Variants in PTPN13 observed in about 807,000 individuals in gnomAD.
PTPN13 encodes tyrosine-protein phosphatase non-receptor type 13.
A neutral mutation model predicts 284.0 loss-of-function variants in PTPN13; 191 were observed. The ratio of observed to expected loss-of-function variants is 0.67; its 90% CI spans 0.60 to 0.76. The LOEUF (loss-of-function observed/expected upper bound fraction) is 0.76. PTPN13 is among the 30% of genes least tolerant of loss of function. PTPN13 has a pLI of 0.00. For missense variants in PTPN13, 2,797 were observed against 2,939.9 expected, an observed-to-expected ratio of 0.95 and a Z score of 1.12; for synonymous variants, 986 against 1,022.3, an observed-to-expected ratio of 0.96 and a Z score of 0.68.
chr4:86,663,026 T>G (rs1398421540), intron 2 of PTPN13, among the ~76,000 whole-genome samples: 1 of 152,114 alleles, frequency 6.6e-6, no homozygotes, highest in Non-Finnish European at 1.5e-5. Context: ...TAAAAATAAA[T>G]GAGTAAATAT....
intron 1 of PTPN13, among the ~76,000 whole-genome samples, chr4:86,600,830 A>G (rs1229055104): frequency 6.6e-6 from 1 of 152,104 alleles, no homozygotes; most frequent in Non-Finnish European, 1.5e-5. Flanking sequence ...GTCTTAGTGT[A>G]GTTAAATATT....
At chr4:86,629,186 G>T (rs570152201) in intron 1 of PTPN13, among the ~76,000 whole-genome samples, 3 of 147,304 alleles carry the variant, frequency 2.0e-5, no homozygotes, top group Non-Finnish European at 4.5e-5. Flanking sequence ...GAAAATTTTC[G>T]CAACCTACTC....
chr4:86,682,030 A>G (rs1728950123), intron 3 of PTPN13, among the ~76,000 whole-genome samples: 1 of 152,238 alleles, frequency 6.6e-6, no homozygotes, highest in Non-Finnish European at 1.5e-5. Flanking sequence ...CTAGCTATTT[A>G]TATTCTAATA....
In PTPN13 at chr4:86,769,829, G is replaced by C. The variant is rs535867974; in HGVS notation, c.4550G>C (p.Arg1517Pro). The change falls in exon 29 of 48, where the codon CGA becomes CCA. Residue 1517 changes from arginine (R) to proline (P), a missense_variant. Physicochemically the swap from Arg to Pro is moderately radical, Grantham distance 103. Coordinates refer to ENST00000411767, the MANE Select transcript of PTPN13 (RefSeq NM_080683.3). ...NSSGLGFSFS[R>P]EDNLIPEQIN... The stretch of plus-strand genomic sequence containing the variant: ...TCAGGTCTAGGATTCAGTTTTTCTC[G>C]AGAAGATAATCTTATACCGGAGCAA... 6.8e-6 allele frequency: 11 copies of C among 1,613,430 alleles called. No homozygotes were observed. Among genetic ancestry groups the C allele is most frequent in the Non-Finnish European group, 9.3e-6 (11 of 1,179,582 alleles).
Position 86,807,717 on chromosome 4 carries a change from A to C in PTPN13, c.6903A>C (p.Lys2301Asn), listed in dbSNP as rs1305343529. 1 of 1,614,036 alleles carries C rather than the reference A, an allele frequency of 6.2e-7. No homozygotes were observed. The highest frequency in any genetic ancestry group is 8.5e-7 in the Non-Finnish European group (1 of 1,179,896). ...GDFWQMIWEQ[K>N]STVIAMMTQE... ...TCTGGCAGATGATTTGGGAGCAAAA[A>C]TCCACAGTGATAGCCATGATGACTC... Residue 2301 changes from lysine to asparagine, a missense_variant, in exon 45 of 48, where the codon AAA becomes AAC. Lys to Asn is a moderately conservative substitution (Grantham distance 94, BLOSUM62 0). Transcript: ENST00000411767.
intron 42 of PTPN13, 123 bp from the exon 43 acceptor site, chr4:86,803,586 C>G: frequency 9.4e-7 from 1 of 1,061,746 alleles, no homozygotes. Context: ...GAACAAGATT[C>G]TATCTCTAAA....
At position 86,717,127 on chromosome 4, in the gene PTPN13, G is replaced by C; in HGVS notation, c.1385+10G>C. The C allele has an allele frequency of 6.4e-7, 1 of 1,572,840 alleles. No individual in the cohort carries two copies. The highest frequency in any genetic ancestry group is 8.7e-7 in the Non-Finnish European group (1 of 1,146,794). On this transcript the variant is annotated intron_variant, in intron 9 of 47. Coordinates refer to ENST00000411767, the MANE Select transcript of PTPN13 (RefSeq NM_080683.3). ...AGTCACAGAGACCGAGGTATGTCATGAAAAAGTAGTGATGATACATTTCCA... is the reference window on the plus strand; with the variant it reads ...AGTCACAGAGACCGAGGTATGTCATCAAAAAGTAGTGATGATACATTTCCA...
chr4:86,750,544 A>G lies in PTPN13; in HGVS notation c.2725A>G (p.Thr909Ala). The G allele has an allele frequency of 3.1e-6, 5 of 1,613,962 alleles. No homozygotes were observed. Among genetic ancestry groups the G allele is most frequent in the South Asian group, 1.1e-5 (1 of 91,086 alleles). The change falls in exon 18 of 48, where the codon ACT becomes GCT. Residue 909 changes from threonine to alanine, a missense_variant. Transcript: ENST00000411767. ...RGFNMGRAIS[T>A]GSLASSTLNK... ...ATTTAATATGGGACGAGCAATCAGC[A>G]CTGGCAGTCTGGCCAGCAGCACCCT... is the stretch of plus-strand genomic sequence containing the variant.
At chr4:86,739,913 G>A (rs1263377977) in intron 15 of PTPN13, among the ~76,000 whole-genome samples, 1 of 152,132 alleles carries the variant, frequency 6.6e-6, no homozygotes, top group East Asian at 1.9e-4. Context: ...AATCCAGCAG[G>A]GCAGGCAAAC....
At chr4:86,764,545 T>C in intron 24 of PTPN13, 48 bp from the exon 25 acceptor site, 1 of 1,309,982 alleles carries the variant, frequency 7.6e-7, no homozygotes. Flanking sequence ...AAAATTATAA[T>C]TCATTTTGAC....
In PTPN13 at chr4:86,758,739, A is replaced by G; in HGVS notation, c.3375A>G (p.Ser1125=). ...TGGACCTAGGCATATTTATCAGTTC[A>G]GTTGCCCCTGGAGGACCAGCTGACT... ...GRLDLGIFIS[S]VAPGGPADLD... The change falls in exon 22 of 48, where the codon TCA becomes TCG. Residue 1125 remains serine, a synonymous_variant. Coordinates refer to ENST00000411767, the MANE Select transcript of PTPN13 (RefSeq NM_080683.3). 1.9e-6 allele frequency: 3 copies of G among 1,613,812 alleles called. No homozygotes were observed. The highest frequency in any genetic ancestry group is 2.5e-6 in the Non-Finnish European group (3 of 1,179,758).
chr4:86,664,403 T>G (rs145636168), intron 2 of PTPN13, among the ~76,000 whole-genome samples: 1,744 of 152,168 alleles, frequency 0.011, 23 homozygotes, highest in Non-Finnish European at 0.018. Flanking sequence ...TTCAAAATTT[T>G]TGTGTGTGTG....
chr4:86,752,503 T>C (rs1030323327), intron 19 of PTPN13, among the ~76,000 whole-genome samples: 1 of 152,200 alleles, frequency 6.6e-6, no homozygotes, highest in South Asian at 2.1e-4. Flanking sequence ...ATTGATTTGA[T>C]CTTTTAGGAA....
rs1739357520 is a variant in PTPN13 at position 86,766,693 on chromosome 4, A to G, written c.4329+176A>G. 2.7e-5 allele frequency: 12 copies of G among 450,200 alleles called. No homozygotes were observed. The South Asian group carries it at 5.2e-4, about 20-fold the overall frequency. 27.9% of individuals were successfully genotyped at this position (450,200 alleles called of 1,614,324 possible). On this transcript the variant is annotated intron_variant, in intron 27 of 47. Coordinates refer to ENST00000411767, the MANE Select transcript of PTPN13 (RefSeq NM_080683.3). ...TTCCAAATTGAAATGCAAGTATTAC[A>G]AGACATTTTTTACTGAGGAAGCTGA...
At position 86,703,336 on chromosome 4, in the gene PTPN13, T is replaced by C. The variant is rs565920925; in HGVS notation, c.1195+1535T>C. 4.6e-5 allele frequency among the ~76,000 whole-genome samples: 7 copies of C among 152,230 alleles called. No individual in the cohort carries two copies. The South Asian group carries it at 1.5e-3, about 32-fold the overall frequency. ...TGGTTTAAAAGAAAAGTCTCCTTTT[T>C]TATGTTGTACAACAGCTAGTATATG... On this transcript the variant is annotated intron_variant, in intron 7 of 47. Coordinates refer to ENST00000411767, the MANE Select transcript of PTPN13 (RefSeq NM_080683.3).
intron 36 of PTPN13, among the ~76,000 whole-genome samples, chr4:86,781,025 G>T (rs1310891037): frequency 6.6e-6 from 1 of 152,154 alleles, no homozygotes; most frequent in Admixed American, 6.5e-5. Flanking sequence ...CTGCCAATAT[G>T]ATTGTTTTGA....
intron 23 of PTPN13, 87 bp downstream of exon 23, chr4:86,759,160 T>C (rs1390589412): frequency 2.9e-6 from 4 of 1,399,950 alleles, no homozygotes; most frequent in Non-Finnish European, 2.9e-6. Flanking sequence ...AATGGATTCA[T>C]TGTGTACAAA....
chr4:86,797,929 A>T lies in PTPN13; in HGVS notation c.6401+1000A>T, dbSNP rs140228134. Among the ~76,000 whole-genome samples the T allele has an allele frequency of 3.1e-4, 47 of 152,256 alleles. 1 individual carries two copies. In the East Asian group the frequency reaches 8.1e-3, roughly 26 times the overall value. The stretch of plus-strand genomic sequence containing the variant: ...GTTCATGAAAAAATAGAGTTAAAAG[A>T]TAAAAATATAAAATATAAACTTTAT... On this transcript the variant is annotated intron_variant, in intron 41 of 47. Transcript: ENST00000411767.
At chr4:86,652,501 C>A (rs1725208750) in intron 2 of PTPN13, among the ~76,000 whole-genome samples, 1 of 152,132 alleles carries the variant, frequency 6.6e-6, no homozygotes, top group Non-Finnish European at 1.5e-5. Flanking sequence ...ATCTCTCCTT[C>A]ATGTTTGAAG....
Sources: gnomAD v4.1 joint callset for allele counts (sites outside exome capture counted in the v4.1 genomes callset) on GRCh38, gnomAD v4.1.1 for gene constraint, MANE v1.5 for transcripts, NCBI Gene and HGNC (gene_info 2026-07-23, HGNC 2026-07-21) for gene names.